The following SH3BP5 variants were observed in gnomAD, a reference collection of about 807,000 sequenced individuals.
SH3BP5 encodes the protein SH3 domain-binding protein 5.
A neutral mutation model predicts 43.3 loss-of-function variants in SH3BP5; 22 were observed. The observed-to-expected ratio is 0.51, with a 90% confidence interval of 0.36 to 0.73. The LOEUF is 0.73. Ranked by LOEUF, SH3BP5 falls within the 30% of genes least tolerant of loss-of-function variation. The pLI, the probability that SH3BP5 is intolerant of heterozygous loss-of-function variation, is 0.00. For missense variants in SH3BP5, 529 were observed against 586.9 expected (o/e 0.90, Z 1.02); for synonymous variants, 255 against 225.8 (o/e 1.13, Z -1.16).
chr3:15,306,027 G>C (rs898756046), intron 2 of SH3BP5, among the ~76,000 whole-genome samples: 1 of 146,228 alleles, frequency 6.8e-6, no homozygotes, highest in Admixed American at 6.9e-5. Context: ...GCCACACCTA[G>C]GGGAAGGAAG....
intron 2 of SH3BP5, among the ~76,000 whole-genome samples, chr3:15,307,935 G>A (rs558537756): frequency 4.6e-5 from 7 of 152,304 alleles, no homozygotes; most frequent in African/African-American, 9.6e-5. Context: ...AGTGGCCTAC[G>A]GGCCAATAAG....
chr3:15,293,079 C>T (rs1342316261), intron 3 of SH3BP5, among the ~76,000 whole-genome samples: 9 of 152,234 alleles, frequency 5.9e-5, no homozygotes. Context: ...CTGCTTCTTT[C>T]CCAGAATCTT....
chr3:15,296,857 C>T (rs1432972858), intron 3 of SH3BP5, among the ~76,000 whole-genome samples: 2 of 143,942 alleles, frequency 1.4e-5, no homozygotes, highest in Non-Finnish European at 3.0e-5. Flanking sequence ...CCATGTCTGG[C>T]TTCTTAAAAA....
intron 3 of SH3BP5, among the ~76,000 whole-genome samples, chr3:15,287,171 C>T (rs1224487608): frequency 6.6e-6 from 1 of 152,242 alleles, no homozygotes; most frequent in East Asian, 1.9e-4. Flanking sequence ...AGAGAAAAGG[C>T]ACGCAGTAAG....
At chr3:15,339,964 A>G (rs992112298) in intron 1 of SH3BP5, 3 of 152,222 alleles carry the variant, frequency 2.0e-5, no homozygotes, top group African/African-American at 7.2e-5. Context: ...AATGAGCATA[A>G]CATTTTGCAG....
chr3:15,274,308 A>G (rs1696902903), intron 3 of SH3BP5, among the ~76,000 whole-genome samples: 1 of 152,010 alleles, frequency 6.6e-6, no homozygotes, highest in Non-Finnish European at 1.5e-5. Context: ...TATAAAGAAA[A>G]GAGGCTTAAT....
intron 3 of SH3BP5, among the ~76,000 whole-genome samples, chr3:15,282,972 T>C (rs548067990): frequency 6.6e-6 from 1 of 152,310 alleles, no homozygotes; most frequent in South Asian, 2.1e-4. Flanking sequence ...TCATCAGTTA[T>C]CACTTTTGTT....
chr3:15,304,166 CTTCACCAGTTCATCCAGT>C lies in SH3BP5; in HGVS notation c.249_266del (p.Leu84_Lys89del). The stretch of plus-strand genomic sequence containing the variant: ...AGTCTTCCACAGCTTTGCCAATTTT[CTTCACCAGTTCATCCAGT>C]TTCACCGTTGCTTCAACCAGAACAG... On this transcript the variant is annotated inframe_deletion, in exon 3 of 9. Coordinates refer to ENST00000383791, the MANE Select transcript of SH3BP5 (RefSeq NM_004844.5). 2 of 1,614,230 alleles carry C rather than the reference CTTCACCAGTTCATCCAGT, an allele frequency of 1.2e-6. No homozygotes were observed. The highest frequency in any genetic ancestry group is 1.7e-6 in the Non-Finnish European group (2 of 1,180,046).
chr3:15,314,818 C>T, intron 2 of SH3BP5, among the ~76,000 whole-genome samples: 1 of 152,170 alleles, frequency 6.6e-6, no homozygotes, highest in Non-Finnish European at 1.5e-5. Context: ...TTCCCCTTCC[C>T]CTGAGTCCTT....
rs1369608788 is a variant in SH3BP5 at position 15,256,041 on chromosome 3, C to T, written c.*45G>A. 4 of 1,427,608 alleles carry T rather than the reference C, an allele frequency of 2.8e-6. No individual in the cohort carries two copies. The highest frequency in any genetic ancestry group is 2.4e-5 in the South Asian group (2 of 83,338). 88.4% of individuals were successfully genotyped at this position (1,427,608 alleles called of 1,614,324 possible). On this transcript the variant is annotated 3_prime_UTR_variant, in exon 9 of 9. Transcript: ENST00000383791. ...TTATTGGCACAATGTTCTCCAGTTC[C>T]ATGTATAAATGTTGATATGCACATC...
At chr3:15,302,581 C>A (rs993747917) in intron 3 of SH3BP5, among the ~76,000 whole-genome samples, 1 of 152,078 alleles carries the variant, frequency 6.6e-6, no homozygotes, top group Non-Finnish European at 1.5e-5. Context: ...CAGCAAGGGG[C>A]TCCCTTGAAG....
chr3:15,280,133 C>T (rs1277617824), intron 3 of SH3BP5, among the ~76,000 whole-genome samples: 3 of 152,162 alleles, frequency 2.0e-5, no homozygotes, highest in African/African-American at 7.2e-5. Context: ...GCTTACAGGG[C>T]CTGCCAGCTA....
At chr3:15,291,677 C>T (rs1477419248) in intron 3 of SH3BP5, among the ~76,000 whole-genome samples, 1 of 152,050 alleles carries the variant, frequency 6.6e-6, no homozygotes, top group African/African-American at 2.4e-5. Flanking sequence ...TTCTGTCTCT[C>T]ACATGTGCAG....
intron 5 of SH3BP5, 163 bp from the exon 6 acceptor site, chr3:15,259,966 CTG>C (rs764970423): frequency 3.9e-5 from 26 of 664,098 alleles, no homozygotes; most frequent in Non-Finnish European, 6.2e-5. Context: ...GCTCCTAGCT[CTG>C]GAGACTGACA....
chr3:15,332,620 C>G (rs1047460934), upstream of SH3BP5: 4 of 1,182,730 alleles, frequency 3.4e-6, no homozygotes, highest in Admixed American at 1.8e-4. Context: ...TCTGCCGCGG[C>G]AGTCAGCGCA....
At chr3:15,320,576 T>A (rs1434370286) in intron 2 of SH3BP5, among the ~76,000 whole-genome samples, 2 of 133,818 alleles carry the variant, frequency 1.5e-5, no homozygotes, top group Non-Finnish European at 3.2e-5. Flanking sequence ...AAGGATGAGG[T>A]TCAATAGAGG....
chr3:15,295,349 C>A (rs1165723366), intron 3 of SH3BP5, among the ~76,000 whole-genome samples: 2 of 152,212 alleles, frequency 1.3e-5, no homozygotes, highest in African/African-American at 2.4e-5. Flanking sequence ...CTACCTGATA[C>A]ATACGTTTCT....
intron 4 of SH3BP5, among the ~76,000 whole-genome samples, chr3:15,265,410 G>A (rs953783766): frequency 1.3e-5 from 2 of 151,840 alleles, no homozygotes; most frequent in African/African-American, 4.9e-5. Flanking sequence ...CAGCTCCTCA[G>A]GAGGCTGAGG....
chr3:15,260,376 C>A (rs1444178860), intron 5 of SH3BP5: 4 of 158,276 alleles, frequency 2.5e-5, no homozygotes, highest in African/African-American at 9.6e-5. Context: ...GACTCAGCCA[C>A]ATAATGGGCC....
Sources: gnomAD v4.1 joint callset for allele counts (sites outside exome capture counted in the v4.1 genomes callset) on GRCh38, gnomAD v4.1.1 for gene constraint, MANE v1.5 for transcripts, NCBI Gene and HGNC (gene_info 2026-07-23, HGNC 2026-07-21) for gene names.